The following CFAP20DC variants were observed in gnomAD, a reference collection of about 807,000 sequenced individuals.
CFAP20DC encodes protein CFAP20DC.
Under a neutral mutation model 101.7 loss-of-function variants are expected in CFAP20DC, and 84 were observed. The ratio of observed to expected loss-of-function variants is 0.83; its 90% CI spans 0.69 to 0.99. The LOEUF is 0.99. Among genes scored for constraint, CFAP20DC ranks in the 50% least tolerant of loss-of-function variants. The probability of loss-of-function intolerance (pLI) is 0.00; values close to 1 mark genes in which losing one functional copy is unlikely to be tolerated. For missense variants in CFAP20DC, 1,007 were observed against 970.3 expected, an observed-to-expected ratio of 1.04 and a Z score of -0.50; for synonymous variants, 359 against 351.2, an observed-to-expected ratio of 1.02 and a Z score of -0.25.
chr3:58,857,902 T>C (rs1362731618), intron 12 of CFAP20DC, among the ~76,000 whole-genome samples: 1 of 152,184 alleles, frequency 6.6e-6, no homozygotes, highest in Non-Finnish European at 1.5e-5. Context: ...AGAGATGATG[T>C]TTATTGATTT....
At chr3:58,895,931 G>A (rs1331126248) in intron 6 of CFAP20DC, among the ~76,000 whole-genome samples, 1 of 152,082 alleles carries the variant, frequency 6.6e-6, no homozygotes, top group Non-Finnish European at 1.5e-5. Context: ...AGACTTATTC[G>A]CTATTACAAG....
At chr3:58,871,969 G>A (rs2080264553) in intron 7 of CFAP20DC, among the ~76,000 whole-genome samples, 1 of 152,090 alleles carries the variant, frequency 6.6e-6, no homozygotes, top group African/African-American at 2.4e-5. Flanking sequence ...GACTTTCAGG[G>A]CTCCAGGGAA....
intron 4 of CFAP20DC, among the ~76,000 whole-genome samples, chr3:58,948,082 G>A (rs776921298): frequency 6.6e-6 from 1 of 152,220 alleles, no homozygotes; most frequent in Non-Finnish European, 1.5e-5. Flanking sequence ...GAGGCTCTAG[G>A]GTGCACTTGC....
chr3:58,849,007 T>A (rs768444071), intron 13 of CFAP20DC, 25 bp downstream of exon 13: 6 of 1,529,332 alleles, frequency 3.9e-6, no homozygotes, highest in Non-Finnish European at 5.2e-6. Context: ...TGCCGGCATC[T>A]GTAAACCACA....
intron 14 of CFAP20DC, among the ~76,000 whole-genome samples, chr3:58,810,471 G>A (rs914774985): frequency 6.6e-6 from 1 of 152,122 alleles, no homozygotes; most frequent in Non-Finnish European, 1.5e-5. Context: ...AATCCCAATA[G>A]ATGCAGAAAA....
chr3:58,961,913 A>G (rs1462544270), intron 4 of CFAP20DC, among the ~76,000 whole-genome samples: 1 of 151,764 alleles, frequency 6.6e-6, no homozygotes, highest in Non-Finnish European at 1.5e-5. Context: ...CTCCTCTCTT[A>G]TTTTCTTGGA....
intron 4 of CFAP20DC, 83 bp downstream of exon 4, chr3:59,039,474 G>T: frequency 3.9e-6 from 3 of 770,218 alleles, no homozygotes; most frequent in South Asian, 3.6e-5. Context: ...ACTGTCACTT[G>T]CAATTAATGA....
intron 4 of CFAP20DC, among the ~76,000 whole-genome samples, chr3:59,024,044 A>G (rs2093850937): frequency 6.6e-6 from 1 of 152,140 alleles, no homozygotes; most frequent in Non-Finnish European, 1.5e-5. Context: ...ATGATTTTTA[A>G]TTATCTAACT....
At chr3:58,860,858 T>C (rs1305088067) in intron 12 of CFAP20DC, among the ~76,000 whole-genome samples, 3 of 152,222 alleles carry the variant, frequency 2.0e-5, no homozygotes, top group Admixed American at 1.3e-4. Context: ...GTAGTCTTGA[T>C]TTTATAGCTC....
At chr3:58,758,173 A>C (rs2069140734) in intron 15 of CFAP20DC, among the ~76,000 whole-genome samples, 1 of 152,060 alleles carries the variant, frequency 6.6e-6, no homozygotes, top group Non-Finnish European at 1.5e-5. Flanking sequence ...ATTTTACTTT[A>C]TGTATGTTTA....
intron 4 of CFAP20DC, among the ~76,000 whole-genome samples, chr3:58,965,515 A>G (rs915654694): frequency 1.3e-5 from 2 of 152,168 alleles, no homozygotes; most frequent in African/African-American, 4.8e-5. Flanking sequence ...TTAGGTACCA[A>G]TCTCAGATGT....
intron 4 of CFAP20DC, among the ~76,000 whole-genome samples, chr3:58,972,814 T>C (rs948876383): frequency 2.6e-5 from 4 of 152,168 alleles, no homozygotes; most frequent in African/African-American, 9.7e-5. Flanking sequence ...GTTCAAAGCA[T>C]AAGTAAGGCA....
At chr3:59,034,591 A>T (rs186009620) in intron 4 of CFAP20DC, among the ~76,000 whole-genome samples, 160 of 152,360 alleles carry the variant, frequency 1.1e-3, no homozygotes, top group Admixed American at 2.4e-3. Context: ...ATCAAAAAAG[A>T]CAAAGAAGGG....
intron 4 of CFAP20DC, among the ~76,000 whole-genome samples, chr3:58,993,560 T>C (rs1313124060): frequency 3.3e-5 from 5 of 152,186 alleles, no homozygotes; most frequent in African/African-American, 1.2e-4. Flanking sequence ...CCATTAGCTA[T>C]TCTTCCTGAT....
At chr3:58,734,854 G>A (rs2067715516) in intron 3 of CFAP20DC, among the ~76,000 whole-genome samples, 5 of 152,100 alleles carry the variant, frequency 3.3e-5, no homozygotes. Flanking sequence ...TTACAACTTT[G>A]AGGGGAGTTA....
Position 58,864,023 on chromosome 3 carries a change from T to C in CFAP20DC, c.1259-131A>G. ...CCTAGGCTGCAGTGCAGTCACGCGA[T>C]CTCGGCTCACTGCAACCTCCGCCTC... On this transcript the variant is annotated intron_variant, in intron 11 of 16. Transcript: ENST00000482387. The surrounding 1 kb of genome is among the most constrained non-coding windows in gnomAD (Gnocchi z 4.7). The C allele has an allele frequency of 1.1e-6, 1 of 871,814 alleles. No individual in the cohort carries two copies. Among genetic ancestry groups the C allele is most frequent in the Non-Finnish European group, 1.7e-6 (1 of 593,488 alleles). 54.0% of individuals were successfully genotyped at this position (871,814 alleles called of 1,614,324 possible). A position where few individuals can be genotyped will look rare whatever the true frequency, so the allele number is the denominator to read the frequency against.
In CFAP20DC at chr3:58,769,050, C is replaced by T. The variant is rs540620875; in HGVS notation, c.2238-15187G>A. On this transcript the variant is annotated intron_variant, in intron 15 of 16. Transcript: ENST00000482387. ...ACCAGGGCTGCTGCCACCCTTAGAC[C>T]TTAAGGGAAAAGGAAGGGGCAGTGG... Among the ~76,000 whole-genome samples the T allele has an allele frequency of 4.5e-4, 68 of 152,290 alleles. 1 individual carries two copies. Among genetic ancestry groups the T allele is most frequent in the African/African-American group, 1.6e-3 (66 of 41,564 alleles).
intron 1 of CFAP20DC, among the ~76,000 whole-genome samples, chr3:59,048,946 T>G (rs1700093480): frequency 6.6e-6 from 1 of 152,110 alleles, no homozygotes; most frequent in South Asian, 2.1e-4. Context: ...GCAGTGTTTC[T>G]CCAAGTGTGA....
rs2094164925 is a variant in CFAP20DC, at chr3:59,039,721, AT to A, written c.206-93del. On this transcript the variant is annotated intron_variant, in intron 3 of 16. Coordinates refer to ENST00000482387, the MANE Select transcript of CFAP20DC (RefSeq NM_001394063.1). ...ATCACAAACCACGAACAAGCTGAAG[AT>A]TTTAGCATTTCAGTAATACATAGAA... 15 of 748,774 alleles carry A rather than the reference AT, an allele frequency of 2.0e-5. No homozygotes were observed. In the South Asian group the frequency reaches 2.9e-4, roughly 15 times the overall value. The allele number at this position is 748,774 out of a possible 1,614,324, so 46.4% of individuals were successfully genotyped here.
Sources: gnomAD v4.1 joint callset for allele counts (sites outside exome capture counted in the v4.1 genomes callset) on GRCh38, gnomAD v4.1.1 for gene constraint, Gnocchi (gnomAD v3.1) non-coding constraint, MANE v1.5 for transcripts, NCBI Gene and HGNC (gene_info 2026-07-23, HGNC 2026-07-21) for gene names.